The following XRRA1 variants were observed in gnomAD, a reference collection of about 807,000 sequenced individuals.
XRRA1 encodes the protein X-ray radiation resistance-associated protein 1.
Under a neutral mutation model 80.2 loss-of-function variants are expected in XRRA1, and 69 were observed. That is an observed-to-expected ratio of 0.86 (90% CI 0.71 to 1.05). The LOEUF (loss-of-function observed/expected upper bound fraction) is 1.05. Among genes scored for constraint, XRRA1 ranks in the 50% least tolerant of loss-of-function variants. The pLI, the probability that XRRA1 is intolerant of heterozygous loss-of-function variation, is 0.00. For synonymous variants in XRRA1, 348 were observed against 389.9 expected, an observed-to-expected ratio of 0.89 and a Z score of 1.27; for missense variants, 967 against 976.4, an observed-to-expected ratio of 0.99 and a Z score of 0.13.
intron 12 of XRRA1, 112 bp from the exon 13 acceptor site, chr11:74,852,194 T>C: frequency 2.3e-6 from 2 of 867,080 alleles, no homozygotes; most frequent in East Asian, 2.5e-5. Flanking sequence ...GGGGGTGGTA[T>C]TGGGTAAGAC....
At chr11:74,898,258 T>C (rs961341903) in intron 10 of XRRA1, among the ~76,000 whole-genome samples, 1 of 151,328 alleles carries the variant, frequency 6.6e-6, no homozygotes, top group African/African-American at 2.4e-5. Flanking sequence ...AATCAAAAAA[T>C]ATACGATGGA....
At chr11:74,936,339 G>C (rs1944980277) in intron 4 of XRRA1, among the ~76,000 whole-genome samples, 1 of 152,200 alleles carries the variant, frequency 6.6e-6, no homozygotes, top group Non-Finnish European at 1.5e-5. Context: ...AGACACTAAA[G>C]TCAAAGGACA....
At chr11:74,923,445 A>G (rs1941427866) in intron 7 of XRRA1, among the ~76,000 whole-genome samples, 2 of 152,214 alleles carry the variant, frequency 1.3e-5, no homozygotes, top group Admixed American at 1.3e-4. Context: ...GGTGCCTGAG[A>G]TAAGCACAGG....
intron 8 of XRRA1, among the ~76,000 whole-genome samples, chr11:74,920,587 A>G (rs191877606): frequency 9.7e-4 from 148 of 152,328 alleles, no homozygotes; most frequent in South Asian, 7.5e-3. Flanking sequence ...AGAATATAAT[A>G]TAACAGTCAT....
chr11:74,945,871 C>T (rs890421537), intron 1 of XRRA1, among the ~76,000 whole-genome samples: 4 of 152,198 alleles, frequency 2.6e-5, no homozygotes, highest in Middle Eastern at 6.8e-3. Flanking sequence ...ACATTTCTGC[C>T]CCTCTTCCTT....
In XRRA1 at chr11:74,906,429, G is replaced by C; in HGVS notation, c.813C>G (p.Asn271Lys). Residue 271 changes from asparagine (N) to lysine (K), a missense_variant, in exon 10 of 19, where the codon AAC becomes AAG. Transcript: ENST00000684022. ...GTAGGTATGGGATCCTGATAATCCT[G>C]TTTTCATCCAAGCTTAACTTCTTCA... ...RRLKKLSLDE[N>K]RIIRIPYLQQ... 1 of 1,613,870 alleles carries C rather than the reference G, an allele frequency of 6.2e-7. No individual in the cohort carries two copies.
chr11:74,900,665 C>A (rs1410651067), intron 10 of XRRA1, among the ~76,000 whole-genome samples: 1 of 152,090 alleles, frequency 6.6e-6, no homozygotes, highest in Non-Finnish European at 1.5e-5. Context: ...ACAAATCAAT[C>A]AATGTGATAC....
At chr11:74,892,574 GA>G (rs1182573663) in intron 10 of XRRA1, among the ~76,000 whole-genome samples, 1 of 152,132 alleles carries the variant, frequency 6.6e-6, no homozygotes. Context: ...TTAAACTAAA[GA>G]GCTTCTGCAC....
At chr11:74,921,417 G>A in intron 7 of XRRA1, 70 bp from the exon 8 acceptor site, 1 of 1,586,306 alleles carries the variant, frequency 6.3e-7, no homozygotes, top group Non-Finnish European at 8.6e-7. Context: ...ATATGATGTG[G>A]GAGCTACTTT....
intron 10 of XRRA1, among the ~76,000 whole-genome samples, chr11:74,895,644 T>G (rs1206835333): frequency 6.6e-6 from 1 of 152,142 alleles, no homozygotes; most frequent in East Asian, 1.9e-4. Context: ...GGCAGTGCAG[T>G]TCACAGCAAG....
chr11:74,899,055 A>C (rs1185816881), intron 10 of XRRA1, among the ~76,000 whole-genome samples: 1 of 151,848 alleles, frequency 6.6e-6, no homozygotes, highest in Non-Finnish European at 1.5e-5. Flanking sequence ...AAATAATATC[A>C]AACATCTTCT....
At chr11:74,889,440 T>G (rs766406222) in intron 10 of XRRA1, among the ~76,000 whole-genome samples, 88 of 152,322 alleles carry the variant, frequency 5.8e-4, no homozygotes, top group Middle Eastern at 6.8e-3. Flanking sequence ...TACCAGCCAC[T>G]GCAAAAACAT....
chr11:74,907,885 T>G (rs773732507), intron 8 of XRRA1, among the ~76,000 whole-genome samples: 46 of 151,816 alleles, frequency 3.0e-4, no homozygotes, highest in Non-Finnish European at 4.1e-4. Flanking sequence ...TACCTAAGAG[T>G]GAGATTTATG....
At chr11:74,851,014 G>A in intron 14 of XRRA1, 74 bp downstream of exon 14, 4 of 1,147,402 alleles carry the variant, frequency 3.5e-6, no homozygotes, top group Non-Finnish European at 4.9e-6. Context: ...CAGCTCTACA[G>A]CCAGGTTGGT....
intron 10 of XRRA1, among the ~76,000 whole-genome samples, chr11:74,864,792 A>G (rs181160514): frequency 7.7e-4 from 118 of 152,318 alleles, no homozygotes; most frequent in Middle Eastern, 6.8e-3. Context: ...AGCCTCTTGC[A>G]CAAGGACCCA....
chr11:74,940,121 T>C (rs1422565523), intron 3 of XRRA1, among the ~76,000 whole-genome samples: 2 of 152,202 alleles, frequency 1.3e-5, no homozygotes, highest in Non-Finnish European at 2.9e-5. Context: ...CCCTACCCTT[T>C]CAAAGCAACA....
At chr11:74,942,992 C>T (rs1000171144) in intron 2 of XRRA1, among the ~76,000 whole-genome samples, 3 of 152,180 alleles carry the variant, frequency 2.0e-5, no homozygotes, top group Non-Finnish European at 4.4e-5. Flanking sequence ...GGAGGGGTTC[C>T]CTCACTGAGG....
intron 10 of XRRA1, among the ~76,000 whole-genome samples, chr11:74,889,683 G>A (rs2050112270): frequency 6.6e-6 from 1 of 152,126 alleles, no homozygotes; most frequent in African/African-American, 2.4e-5. Flanking sequence ...GACACACATA[G>A]GCTCAAAATA....
rs375592876 is a variant in XRRA1 at position 74,945,192 on chromosome 11, C to T, written c.-72-107G>A. ...CCTTCCACTCCAATATTTGTCTTGCCTTTAGTCCTTGCCCGTAGGACTAAG... is the reference window on the plus strand; with the variant it reads ...CCTTCCACTCCAATATTTGTCTTGCTTTTAGTCCTTGCCCGTAGGACTAAG... On this transcript the variant is annotated intron_variant, in intron 1 of 18. Coordinates refer to ENST00000684022, the MANE Select transcript of XRRA1 (RefSeq NM_001378157.1). 6 of 152,356 alleles carry T rather than the reference C, an allele frequency of 3.9e-5. No individual in the cohort carries two copies. The East Asian group carries it at 1.2e-3, about 29-fold the overall frequency. 9.4% of individuals were successfully genotyped at this position (152,356 alleles called of 1,614,324 possible).
Sources: gnomAD v4.1 joint callset for allele counts (sites outside exome capture counted in the v4.1 genomes callset) on GRCh38, gnomAD v4.1.1 for gene constraint, MANE v1.5 for transcripts, NCBI Gene and HGNC (gene_info 2026-07-23, HGNC 2026-07-21) for gene names.